WWC1: variants seen among roughly 807,000 people sequenced by gnomAD.
The protein encoded by WWC1 is WW and C2 domain containing 1.
Under a neutral mutation model 138.4 loss-of-function variants are expected in WWC1, and 55 were observed. That is an observed-to-expected ratio of 0.40 (90% CI 0.32 to 0.50). The LOEUF is 0.50. Ranked by LOEUF, WWC1 falls within the 20% of genes least tolerant of loss-of-function variation. The probability of loss-of-function intolerance (pLI) is 0.72; values close to 1 mark genes in which losing one functional copy is unlikely to be tolerated. For missense variants in WWC1, 1,226 were observed against 1,420.4 expected, an observed-to-expected ratio of 0.86 and a Z score of 2.20; for synonymous variants, 524 against 564.9, an observed-to-expected ratio of 0.93 and a Z score of 1.03.
At chr5:168,344,223 C>G (rs1774279217) in intron 1 of WWC1, among the ~76,000 whole-genome samples, 1 of 152,166 alleles carries the variant, frequency 6.6e-6, no homozygotes, top group Admixed American at 6.5e-5. Context: ...TTTAAGGCAG[C>G]CTTGCAGATA....
chr5:168,292,109 G>A lies in WWC1; in HGVS notation c.-44G>A, dbSNP rs1229011449. 6.7e-6 allele frequency: 10 copies of A among 1,490,610 alleles called. No homozygotes were observed. The highest frequency in any genetic ancestry group is 8.9e-6 in the Non-Finnish European group (10 of 1,121,354). 92.3% of individuals were successfully genotyped at this position (1,490,610 alleles called of 1,614,324 possible). A position where few individuals can be genotyped will look rare whatever the true frequency, so the allele number is the denominator to read the frequency against. On this transcript the variant is annotated 5_prime_UTR_variant, in exon 1 of 23. Transcript: ENST00000265293. This position sits in a 1 kb window ranked among gnomAD's most constrained non-coding sequence, Gnocchi z 4.4. ...CGGCTGGAGCCGCTGAGCCCCCGCT[G>A]CGGCCGGGAGCTGCATGGGGGAGCG...
At chr5:168,316,440 T>TG (rs1260479399) in intron 1 of WWC1, among the ~76,000 whole-genome samples, 4 of 152,136 alleles carry the variant, frequency 2.6e-5, no homozygotes, top group Non-Finnish European at 4.4e-5. Flanking sequence ...ATGTGAGGGC[T>TG]GGGGGTGTTT....
intron 3 of WWC1, among the ~76,000 whole-genome samples, chr5:168,388,403 C>T (rs970267099): frequency 7.2e-5 from 11 of 151,934 alleles, no homozygotes; most frequent in Admixed American, 2.0e-4. Context: ...CAATTGGAGA[C>T]TTTCCTGAGT....
chr5:168,379,379 A>G (rs901094936), intron 2 of WWC1, among the ~76,000 whole-genome samples: 6 of 152,128 alleles, frequency 3.9e-5, no homozygotes, highest in African/African-American at 9.7e-5. Context: ...ACAGTTCAGA[A>G]CTAACGGCAT....
At chr5:168,427,828 G>T (rs555877156) in intron 11 of WWC1, among the ~76,000 whole-genome samples, 1 of 152,104 alleles carries the variant, frequency 6.6e-6, no homozygotes, top group East Asian at 1.9e-4. Flanking sequence ...GGGTATGGTG[G>T]CACATGCCTG....
In WWC1 at chr5:168,371,510, A is replaced by T; in HGVS notation, c.206A>T (p.Asp69Val). Residue 69 changes from aspartate to valine, a missense_variant, in exon 2 of 23, where the codon GAT becomes GTT. Coordinates refer to ENST00000265293, the MANE Select transcript of WWC1 (RefSeq NM_015238.3). ...WEEAYDPQVG[D>V]YFIDHNTKTT... ...GAGGCATATGACCCACAGGTTGGAG[A>T]TTACTTCATAGACCACAACACCAGT... 6.2e-7 allele frequency: 1 copy of T among 1,613,934 alleles called. No homozygotes were observed. Among genetic ancestry groups the T allele is most frequent in the East Asian group, 2.2e-5 (1 of 44,858 alleles).
intron 9 of WWC1, among the ~76,000 whole-genome samples, chr5:168,419,710 G>C (rs551998227): frequency 6.6e-6 from 1 of 152,296 alleles, no homozygotes; most frequent in South Asian, 2.1e-4. Flanking sequence ...CCCAGGTCAC[G>C]AGTTTGTGAG....
At chr5:168,298,821 C>T (rs527445339) in intron 1 of WWC1, among the ~76,000 whole-genome samples, 1 of 152,306 alleles carries the variant, frequency 6.6e-6, no homozygotes, top group South Asian at 2.1e-4. Flanking sequence ...CAGTGGCTCA[C>T]TCCTGTAATT....
At chr5:168,402,963 A>G (rs1779418907) in intron 5 of WWC1, among the ~76,000 whole-genome samples, 1 of 147,620 alleles carries the variant, frequency 6.8e-6, no homozygotes, top group African/African-American at 2.7e-5. Flanking sequence ...AATTTCCCCT[A>G]TTAGAAAATT....
chr5:168,307,831 C>A (rs1303900960), intron 1 of WWC1, among the ~76,000 whole-genome samples: 1 of 152,012 alleles, frequency 6.6e-6, no homozygotes, highest in African/African-American at 2.4e-5. Context: ...AGGCTGGTCT[C>A]GATCTCCTGA....
chr5:168,373,915 G>A (rs543530976), intron 2 of WWC1, among the ~76,000 whole-genome samples: 120 of 151,376 alleles, frequency 7.9e-4, no homozygotes, highest in African/African-American at 2.7e-3. Context: ...GCGTGGTGGC[G>A]GGCATCTGTA....
At position 168,441,676 on chromosome 5, in the gene WWC1, C is replaced by T. The variant is rs1342368667; in HGVS notation, c.2281-6C>T. On this transcript the variant is annotated splice_region_variant and splice_polypyrimidine_tract_variant and intron_variant, in intron 15 of 22. Transcript: ENST00000265293. Reference sequence around the variant, plus strand: ...CTTATGTTCTCCTTGTTTCCATCCCCAACAGGGAGGCGCCCAGATCAGCCT... The same window carrying T: ...CTTATGTTCTCCTTGTTTCCATCCCTAACAGGGAGGCGCCCAGATCAGCCT... The T allele has an allele frequency of 6.2e-7, 1 of 1,613,306 alleles. No homozygotes were observed. Among genetic ancestry groups the T allele is most frequent in the East Asian group, 2.2e-5 (1 of 44,868 alleles).
At chr5:168,355,579 G>A (rs1357106716) in intron 1 of WWC1, among the ~76,000 whole-genome samples, 1 of 151,922 alleles carries the variant, frequency 6.6e-6, no homozygotes, top group East Asian at 1.9e-4. Context: ...ACAGGGACAG[G>A]TAACTGTCCC....
At chr5:168,398,293 C>T (rs756163519) in intron 4 of WWC1, among the ~76,000 whole-genome samples, 45 of 146,230 alleles carry the variant, frequency 3.1e-4, no homozygotes, top group Admixed American at 5.5e-4. Flanking sequence ...TTAGTAGAGA[C>T]GGGGTTTCAC....
intron 1 of WWC1, among the ~76,000 whole-genome samples, chr5:168,300,360 G>A (rs1185732773): frequency 2.6e-5 from 4 of 152,048 alleles, no homozygotes; most frequent in Non-Finnish European, 5.9e-5. Flanking sequence ...GATGCAGGAT[G>A]GGGAAGAGGG....
intron 1 of WWC1, among the ~76,000 whole-genome samples, chr5:168,332,247 A>T (rs966058595): frequency 2.6e-5 from 4 of 152,202 alleles, no homozygotes; most frequent in African/African-American, 4.8e-5. Flanking sequence ...CTCAGAGCTG[A>T]GAAGGGGCTC....
intron 17 of WWC1, among the ~76,000 whole-genome samples, chr5:168,450,183 A>C (rs17731849): frequency 1.3e-5 from 2 of 152,240 alleles, no homozygotes; most frequent in East Asian, 1.9e-4. Flanking sequence ...TCAGAAGTCA[A>C]GATGGGAATA....
At chr5:168,348,126 A>G (rs1033640010) in intron 1 of WWC1, among the ~76,000 whole-genome samples, 4 of 152,132 alleles carry the variant, frequency 2.6e-5, no homozygotes, top group Non-Finnish European at 5.9e-5. Flanking sequence ...TGGCAGCCCC[A>G]TTTGACAGGT....
chr5:168,325,491 T>C (rs1472752401), intron 1 of WWC1, among the ~76,000 whole-genome samples: 1 of 151,982 alleles, frequency 6.6e-6, no homozygotes, highest in Non-Finnish European at 1.5e-5. Flanking sequence ...GGTGGGGCAG[T>C]GGGGAGGGGA....
Sources: allele counts gnomAD v4.1 joint callset (sites outside exome capture counted in the v4.1 genomes callset), GRCh38; gene constraint gnomAD v4.1.1; non-coding constraint Gnocchi (gnomAD v3.1); transcripts MANE v1.5; gene names NCBI Gene and HGNC (gene_info 2026-07-23, HGNC 2026-07-21).